Variants in PCBP3 observed in about 807,000 individuals in gnomAD.
PCBP3 encodes poly(rC)-binding protein 3.
In PCBP3, 25 loss-of-function variants were observed where a neutral mutation model predicts 52.7. That is an observed-to-expected ratio of 0.47 (90% CI 0.35 to 0.66). The LOEUF is 0.66. Ranked by LOEUF, PCBP3 falls within the 30% of genes least tolerant of loss-of-function variation. The pLI, the probability that PCBP3 is intolerant of heterozygous loss-of-function variation, is 0.01. For missense variants in PCBP3, 391 were observed against 490.3 expected, an observed-to-expected ratio of 0.80 and a Z score of 1.91; for synonymous variants, 162 against 183.0, an observed-to-expected ratio of 0.89 and a Z score of 0.93.
rs558123708 is a variant in PCBP3 at position 45,928,132 on chromosome 21, TC to T, written c.718-1783del. Among the ~76,000 whole-genome samples the T allele has an allele frequency of 4.5e-3, 683 of 152,296 alleles. 5 individuals are homozygous for T. Among genetic ancestry groups the T allele is most frequent in the African/African-American group, 0.016 (652 of 41,554 alleles). ...CACTAGGACCCCAGATGCGCCTGCT[TC>T]CTCCTCCTGCCCCCGCAGGGCCTCG... On this transcript the variant is annotated intron_variant, in intron 13 of 17. Transcript: ENST00000681687. This position sits in a 1 kb window ranked among gnomAD's most constrained non-coding sequence, Gnocchi z 4.1.
At chr21:45,818,021 CATT>C (rs1474276262) in intron 4 of PCBP3, among the ~76,000 whole-genome samples, 1 of 151,978 alleles carries the variant, frequency 6.6e-6, no homozygotes, top group African/African-American at 2.4e-5. Flanking sequence ...AATATTGGTA[CATT>C]ATTATTATTA....
intron 16 of PCBP3, among the ~76,000 whole-genome samples, chr21:45,936,924 G>A (rs1328078432): frequency 1.3e-5 from 2 of 152,182 alleles, no homozygotes; most frequent in African/African-American, 4.8e-5. Context: ...AAGGAAGGCA[G>A]CTTCCTCTTA....
rs528806242 is a variant in PCBP3 at position 45,868,641 on chromosome 21, G to C, written c.10+18546G>C. Among the ~76,000 whole-genome samples, 28 of 152,272 alleles carry C rather than the reference G, an allele frequency of 1.8e-4. No homozygotes were observed. The South Asian group carries it at 3.9e-3, about 21-fold the overall frequency. ...GGGCGGGTCTGGCGGGCATTTCTGC[G>C]AGCCTGTCCCTGGGCCCGCCTCCTG... On this transcript the variant is annotated intron_variant, in intron 5 of 17. Transcript: ENST00000681687.
chr21:45,932,792 TC>T (rs1412517779), intron 15 of PCBP3, among the ~76,000 whole-genome samples: 3 of 151,566 alleles, frequency 2.0e-5, no homozygotes, highest in African/African-American at 4.9e-5. Flanking sequence ...AGCCATGCCG[TC>T]CCGAGATGAA....
chr21:45,727,055 G>T (rs1024827938), intron 2 of PCBP3, among the ~76,000 whole-genome samples: 8 of 152,074 alleles, frequency 5.3e-5, no homozygotes, highest in Non-Finnish European at 1.2e-4. Context: ...TTTTTCTTTT[G>T]TAGTTCATGC....
At chr21:45,764,356 A>G (rs1473324189) in intron 4 of PCBP3, among the ~76,000 whole-genome samples, 1 of 152,164 alleles carries the variant, frequency 6.6e-6, no homozygotes, top group Non-Finnish European at 1.5e-5. Flanking sequence ...TCCCGACCTC[A>G]GGCAGTCTAC....
At chr21:45,895,555 C>T (rs1021340802) in intron 5 of PCBP3, among the ~76,000 whole-genome samples, 3 of 152,230 alleles carry the variant, frequency 2.0e-5, no homozygotes, top group African/African-American at 7.2e-5. Flanking sequence ...AAAATGAGGC[C>T]TTAATTTTGC....
intron 9 of PCBP3, among the ~76,000 whole-genome samples, chr21:45,902,496 T>G (rs1343528493): frequency 6.6e-6 from 1 of 152,256 alleles, no homozygotes; most frequent in Non-Finnish European, 1.5e-5. Context: ...TCAGCTGTGC[T>G]GCAGGGTCCT....
intron 10 of PCBP3, 80 bp downstream of exon 10, chr21:45,909,566 C>T: frequency 6.9e-7 from 1 of 1,441,564 alleles, no homozygotes; most frequent in Non-Finnish European, 9.5e-7. Context: ...AGGCAGCCTT[C>T]CTGAGCCTTG....
intron 2 of PCBP3, among the ~76,000 whole-genome samples, chr21:45,676,513 A>G (rs1450249367): frequency 6.6e-6 from 1 of 152,022 alleles, no homozygotes; most frequent in East Asian, 1.9e-4. Flanking sequence ...TTTCATTATT[A>G]TTATATCTGT....
chr21:45,917,362 A>C lies in PCBP3; in HGVS notation c.676-226A>C. ...TGAACTGTTTCCCTCCCACCCGCTG[A>C]ACTGGCCAGCTCAGCTCTGCCCGCC... is the stretch of plus-strand genomic sequence containing the variant. On this transcript the variant is annotated intron_variant, in intron 12 of 17. Transcript: ENST00000681687. The surrounding 1 kb of genome is among the most constrained non-coding windows in gnomAD (Gnocchi z 5.3). The C allele has an allele frequency of 2.8e-6, 1 of 352,756 alleles. No homozygotes were observed. Among genetic ancestry groups the C allele is most frequent in the Non-Finnish European group, 5.4e-6 (1 of 183,914 alleles). The allele number at this position is 352,756 out of a possible 1,614,324, so 21.9% of individuals were successfully genotyped here.
chr21:45,879,133 G>T (rs573019870), intron 5 of PCBP3, among the ~76,000 whole-genome samples: 4 of 152,122 alleles, frequency 2.6e-5, no homozygotes, highest in Admixed American at 2.6e-4. Flanking sequence ...CACAGGTGCA[G>T]CCACCACACC....
At chr21:45,907,550 G>GACT (rs2096241582) in intron 9 of PCBP3, among the ~76,000 whole-genome samples, 2 of 152,170 alleles carry the variant, frequency 1.3e-5, no homozygotes. Context: ...TGGCATTTAG[G>GACT]ACTTTGCTAT....
intron 4 of PCBP3, among the ~76,000 whole-genome samples, chr21:45,787,543 C>T (rs564033298): frequency 2.0e-5 from 3 of 152,148 alleles, no homozygotes; most frequent in South Asian, 4.1e-4. Flanking sequence ...AGGTGTAAGC[C>T]GCTGTGCCTG....
chr21:45,667,243 A>G (rs1474861951), intron 1 of PCBP3, among the ~76,000 whole-genome samples: 1 of 150,690 alleles, frequency 6.6e-6, no homozygotes, highest in Non-Finnish European at 1.5e-5. Flanking sequence ...CCCAACCTTA[A>G]GCCATCCTTC....
intron 4 of PCBP3, among the ~76,000 whole-genome samples, chr21:45,831,840 A>G (rs1274544901): frequency 6.6e-6 from 1 of 152,142 alleles, no homozygotes; most frequent in Non-Finnish European, 1.5e-5. Context: ...CCTCCTGAGT[A>G]GCTGGGATTA....
At chr21:45,826,466 G>A (rs573909671) in intron 4 of PCBP3, among the ~76,000 whole-genome samples, 17 of 152,276 alleles carry the variant, frequency 1.1e-4, no homozygotes, top group Admixed American at 5.9e-4. Flanking sequence ...CTGATTTCAC[G>A]CATGCAAAAT....
At chr21:45,913,858 G>A in intron 11 of PCBP3, 93 bp from the exon 12 acceptor site, 2 of 1,177,842 alleles carry the variant, frequency 1.7e-6, no homozygotes, top group South Asian at 2.8e-5. Flanking sequence ...CTGGTGCAGG[G>A]GGCTGAGTGG....
At chr21:45,677,224 C>G (rs889430884) in intron 2 of PCBP3, among the ~76,000 whole-genome samples, 2 of 152,150 alleles carry the variant, frequency 1.3e-5, no homozygotes, top group African/African-American at 4.8e-5. Flanking sequence ...CTCCAGTGAA[C>G]ACACAAAGGA....
Sources: allele counts gnomAD v4.1 joint callset (sites outside exome capture counted in the v4.1 genomes callset), GRCh38; gene constraint gnomAD v4.1.1; non-coding constraint Gnocchi (gnomAD v3.1); transcripts MANE v1.5; gene names NCBI Gene and HGNC (gene_info 2026-07-23, HGNC 2026-07-21).